TP63: variants seen among roughly 807,000 people sequenced by gnomAD.
TP63 encodes tumor protein p63.
Under a neutral mutation model 82.8 loss-of-function variants are expected in TP63, and 17 were observed. The ratio of observed to expected loss-of-function variants is 0.21; its 90% CI spans 0.14 to 0.31. The LOEUF (loss-of-function observed/expected upper bound fraction) is 0.31, where lower values mean the gene tolerates loss of function less well. Ranked by LOEUF, TP63 falls within the 10% of genes least tolerant of loss-of-function variation. The probability of loss-of-function intolerance (pLI) is 1.00; values close to 1 mark genes in which losing one functional copy is unlikely to be tolerated. For missense variants in TP63, 648 were observed against 895.3 expected, an observed-to-expected ratio of 0.72 and a Z score of 3.52; for synonymous variants, 330 against 321.7, an observed-to-expected ratio of 1.03 and a Z score of -0.28.
At chr3:189,700,261 A>T (rs1166734713) in intron 1 of TP63, among the ~76,000 whole-genome samples, 4 of 152,290 alleles carry the variant, frequency 2.6e-5, no homozygotes, top group Non-Finnish European at 5.9e-5. Context: ...AGCCAGCAGG[A>T]TGGTTTTCTG....
At chr3:189,821,431 C>T (rs1163378615) in intron 4 of TP63, among the ~76,000 whole-genome samples, 1 of 152,158 alleles carries the variant, frequency 6.6e-6, no homozygotes, top group Non-Finnish European at 1.5e-5. Flanking sequence ...AAAGAAATGG[C>T]CACAGCTACT....
At chr3:189,652,154 T>C (rs1712948889) in intron 1 of TP63, among the ~76,000 whole-genome samples, 1 of 146,202 alleles carries the variant, frequency 6.8e-6, no homozygotes, top group Admixed American at 6.7e-5. Flanking sequence ...TAGATCTACT[T>C]ACAGCTTGCA....
At chr3:189,605,225 T>G in the TP63 span, among the ~76,000 whole-genome samples, 3 of 152,246 alleles carry the variant, frequency 2.0e-5, no homozygotes, top group African/African-American at 7.2e-5. Flanking sequence ...AAACTCAGGC[T>G]TATAATTTCA....
At chr3:189,789,839 T>G (rs1204870496) in intron 3 of TP63, 1 of 1,595,406 alleles carries the variant, frequency 6.3e-7, no homozygotes, top group African/African-American at 1.4e-5. Context: ...CTCAATTTAG[T>G]GAGGTAAGGA....
chr3:189,819,637 A>G (rs1255378968), intron 4 of TP63, among the ~76,000 whole-genome samples: 2 of 152,182 alleles, frequency 1.3e-5, no homozygotes, highest in South Asian at 2.1e-4. Context: ...GCTTAAGTCA[A>G]GTCTTTTACA....
At chr3:189,874,189 C>T (rs761414569) in intron 10 of TP63, among the ~76,000 whole-genome samples, 4 of 152,078 alleles carry the variant, frequency 2.6e-5, no homozygotes, top group Non-Finnish European at 5.9e-5. Flanking sequence ...CCTGCCTCAG[C>T]CTCCCGAGTA....
the TP63 span, among the ~76,000 whole-genome samples, chr3:189,600,718 A>T: frequency 6.6e-6 from 1 of 152,190 alleles, no homozygotes; most frequent in Non-Finnish European, 1.5e-5. Flanking sequence ...CCAGGCCAGT[A>T]CTCTATTAAT....
intron 3 of TP63, among the ~76,000 whole-genome samples, chr3:189,776,402 T>C (rs969437474): frequency 6.6e-6 from 1 of 152,126 alleles, no homozygotes; most frequent in Non-Finnish European, 1.5e-5. Context: ...AGGGGCACTA[T>C]CTTTATGGGT....
At chr3:189,708,449 A>C (rs917138439) in intron 1 of TP63, among the ~76,000 whole-genome samples, 1 of 152,218 alleles carries the variant, frequency 6.6e-6, no homozygotes, top group Non-Finnish European at 1.5e-5. Context: ...GGCATACAGC[A>C]GTATTTAATT....
chr3:189,728,188 G>A (rs201610756), intron 1 of TP63, among the ~76,000 whole-genome samples: 11 of 151,006 alleles, frequency 7.3e-5, no homozygotes, highest in Middle Eastern at 7.0e-3. Flanking sequence ...AAAAAAAAAG[G>A]AGTAGAGATG....
chr3:189,761,629 C>T (rs1655171777), intron 3 of TP63, among the ~76,000 whole-genome samples: 1 of 152,190 alleles, frequency 6.6e-6, no homozygotes, highest in African/African-American at 2.4e-5. Flanking sequence ...CCAAACTGTT[C>T]AACCTCTGCC....
chr3:189,880,911 G>T (rs1375404222), intron 10 of TP63: 1 of 985,234 alleles, frequency 1.0e-6, no homozygotes, highest in Non-Finnish European at 1.2e-6. Context: ...TCTTGTACAT[G>T]AAACCCTGGA....
chr3:189,807,990 G>A (rs547742390), intron 3 of TP63, among the ~76,000 whole-genome samples: 52 of 152,256 alleles, frequency 3.4e-4, no homozygotes, highest in Non-Finnish European at 6.6e-4. Flanking sequence ...TGCCTAGTTT[G>A]TGAATAAGCA....
rs577102123 is a variant in TP63 at position 189,876,208 on chromosome 3, T to G, written c.1349+3213T>G. 3.3e-4 allele frequency among the ~76,000 whole-genome samples: 50 copies of G among 152,330 alleles called. No homozygotes were observed. The South Asian group carries it at 0.01, about 31-fold the overall frequency. ...GTTTCATGTCATTGTTTTAGAAACT[T>G]GACAAGCCAGGAGGATTGACATCAT... On this transcript the variant is annotated intron_variant, in intron 10 of 13. Transcript: ENST00000264731.
At chr3:189,873,205 T>C in intron 10 of TP63, 2 of 663,824 alleles carry the variant, frequency 3.0e-6, no homozygotes, top group Non-Finnish European at 5.2e-6. Context: ...ACTTATGTTC[T>C]GAAATTAAAT....
chr3:189,822,220 G>C (rs1728870650), intron 4 of TP63, among the ~76,000 whole-genome samples: 1 of 152,194 alleles, frequency 6.6e-6, no homozygotes, highest in Admixed American at 6.5e-5. Context: ...ATGGATCATA[G>C]ATTTAGGATT....
At chr3:189,865,333 C>T (rs560693829) in intron 5 of TP63, among the ~76,000 whole-genome samples, 2 of 152,152 alleles carry the variant, frequency 1.3e-5, no homozygotes, top group South Asian at 2.1e-4. Context: ...CACCTTTAGA[C>T]GCTATATCCA....
intron 3 of TP63, among the ~76,000 whole-genome samples, chr3:189,771,699 G>A (rs1452145369): frequency 6.6e-6 from 1 of 151,758 alleles, no homozygotes; most frequent in Non-Finnish European, 1.5e-5. Flanking sequence ...GAATAGTCTT[G>A]TTTGGTTGAT....
chr3:189,675,946 AC>A (rs372399728), intron 1 of TP63, among the ~76,000 whole-genome samples: 40,393 of 151,918 alleles, frequency 0.27, 5,402 homozygotes, highest in African/African-American at 0.32. Flanking sequence ...AGCCAGAAAC[AC>A]ACACATTCAT....
Sources: allele counts gnomAD v4.1 joint callset (sites outside exome capture counted in the v4.1 genomes callset), GRCh38; gene constraint gnomAD v4.1.1; transcripts MANE v1.5; gene names NCBI Gene and HGNC (gene_info 2026-07-23, HGNC 2026-07-21).